Variants in ARID5B observed in about 807,000 individuals in gnomAD.
ARID5B encodes the protein AT-rich interactive domain-containing protein 5B.
In ARID5B, 13 loss-of-function variants were observed where a neutral mutation model predicts 97.2. The ratio of observed to expected loss-of-function variants is 0.13; its 90% confidence interval spans 0.09 to 0.21. ARID5B has a LOEUF of 0.21. Among genes scored for constraint, ARID5B ranks in the 10% least tolerant of loss-of-function variants. The probability of loss-of-function intolerance (pLI) is 1.00; values close to 1 mark genes in which losing one functional copy is unlikely to be tolerated. For synonymous variants in ARID5B, 556 were observed against 570.3 expected (o/e 0.97, Z 0.36); for missense variants, 1,210 against 1,465.3 (o/e 0.83, Z 2.84).
intron 3 of ARID5B, among the ~76,000 whole-genome samples, chr10:61,944,062 T>A (rs536976705): frequency 6.6e-6 from 1 of 152,224 alleles, no homozygotes; most frequent in South Asian, 2.1e-4. Flanking sequence ...AGTGCATTCA[T>A]TCTCTTCCCT....
At chr10:62,023,081 A>G (rs1181078423) in intron 4 of ARID5B, among the ~76,000 whole-genome samples, 3 of 152,164 alleles carry the variant, frequency 2.0e-5, no homozygotes, top group Non-Finnish European at 4.4e-5. Context: ...CCCCTTTCCC[A>G]ATACCTAGTG....
chr10:61,973,423 T>A (rs1838657782), intron 3 of ARID5B, among the ~76,000 whole-genome samples: 1 of 152,230 alleles, frequency 6.6e-6, no homozygotes, highest in Non-Finnish European at 1.5e-5. Flanking sequence ...GAGTTCATTA[T>A]GAAATCACTC....
At chr10:62,028,570 C>A (rs1453018687) in intron 4 of ARID5B, among the ~76,000 whole-genome samples, 1 of 152,140 alleles carries the variant, frequency 6.6e-6, no homozygotes, top group Non-Finnish European at 1.5e-5. Flanking sequence ...CCTCTCTCAG[C>A]CTCAGTTTCC....
chr10:61,970,024 T>G (rs1424632704), intron 3 of ARID5B, among the ~76,000 whole-genome samples: 1 of 152,200 alleles, frequency 6.6e-6, no homozygotes, highest in Admixed American at 6.5e-5. Flanking sequence ...GAAAAATAGT[T>G]AGCCAATCCA....
intron 3 of ARID5B, among the ~76,000 whole-genome samples, chr10:61,963,700 G>A (rs1838505388): frequency 1.3e-5 from 2 of 152,062 alleles, no homozygotes; most frequent in African/African-American, 4.8e-5. Context: ...GTGGGAGGTT[G>A]AGAACTGCTT....
chr10:61,964,911 G>A (rs1278904416), intron 3 of ARID5B, among the ~76,000 whole-genome samples: 3 of 152,184 alleles, frequency 2.0e-5, no homozygotes, highest in Admixed American at 6.5e-5. Context: ...CACATGTGAA[G>A]CCAGTTAGAA....
intron 4 of ARID5B, among the ~76,000 whole-genome samples, chr10:62,011,921 C>T (rs552052108): frequency 6.6e-6 from 1 of 152,220 alleles, no homozygotes; most frequent in African/African-American, 2.4e-5. Context: ...TGATTATATA[C>T]AGCAAACCCT....
chr10:62,031,780 G>A (rs1839500067), intron 4 of ARID5B, among the ~76,000 whole-genome samples: 1 of 152,184 alleles, frequency 6.6e-6, no homozygotes, highest in Admixed American at 6.5e-5. Flanking sequence ...TCTTCACTGT[G>A]TTGTAGGAAT....
intron 2 of ARID5B, among the ~76,000 whole-genome samples, chr10:61,925,955 C>T (rs1233650590): frequency 6.6e-6 from 1 of 152,062 alleles, no homozygotes; most frequent in African/African-American, 2.4e-5. Flanking sequence ...CAAAATTCAT[C>T]GAGCCACAGG....
intron 4 of ARID5B, among the ~76,000 whole-genome samples, chr10:62,023,000 CAA>C (rs1321977748): frequency 1.3e-5 from 2 of 152,156 alleles, no homozygotes; most frequent in Non-Finnish European, 2.9e-5. Context: ...GGAAACAAGT[CAA>C]AGAAACATAT....
intron 2 of ARID5B, among the ~76,000 whole-genome samples, chr10:61,924,302 A>G (rs2393785): frequency 0.85 from 128,655 of 152,202 alleles, 54,532 homozygotes; most frequent in African/African-American, 0.88. Context: ...GGAGTAGAAA[A>G]AGCACCAACT....
At chr10:62,052,734 A>C (rs989803525) in intron 5 of ARID5B, among the ~76,000 whole-genome samples, 5 of 152,240 alleles carry the variant, frequency 3.3e-5, no homozygotes, top group African/African-American at 1.2e-4. Context: ...CTTAACAAGA[A>C]GGATAGAAGT....
chr10:61,926,746 C>G (rs547592341), intron 2 of ARID5B, among the ~76,000 whole-genome samples: 1 of 151,940 alleles, frequency 6.6e-6, no homozygotes, highest in South Asian at 2.1e-4. Context: ...GTAGCTGGGA[C>G]TACAGGCGTG....
At chr10:62,077,627 C>A (rs1840155818) in intron 8 of ARID5B, among the ~76,000 whole-genome samples, 1 of 152,128 alleles carries the variant, frequency 6.6e-6, no homozygotes, top group African/African-American at 2.4e-5. Flanking sequence ...ATCCTTTGAA[C>A]CTAACTATAG....
At chr10:61,956,159 C>G (rs963366661) in intron 3 of ARID5B, among the ~76,000 whole-genome samples, 8 of 152,184 alleles carry the variant, frequency 5.3e-5, no homozygotes, top group Non-Finnish European at 1.0e-4. Flanking sequence ...GAAACTGGGC[C>G]GCACAGCAGA....
intron 7 of ARID5B, among the ~76,000 whole-genome samples, chr10:62,066,280 C>T (rs1205407209): frequency 1.3e-5 from 2 of 152,134 alleles, no homozygotes; most frequent in Non-Finnish European, 2.9e-5. Context: ...ATTTCTTCCT[C>T]TAGAGTCCAT....
chr10:61,970,013 A>C (rs994189232), intron 3 of ARID5B, among the ~76,000 whole-genome samples: 1 of 152,238 alleles, frequency 6.6e-6, no homozygotes, highest in African/African-American at 2.4e-5. Context: ...ATCCAAATAA[A>C]GAAAAATAGT....
chr10:61,918,742 T>C (rs888086216), intron 2 of ARID5B, among the ~76,000 whole-genome samples: 5 of 152,062 alleles, frequency 3.3e-5, no homozygotes, highest in Admixed American at 1.3e-4. Flanking sequence ...ATGTTAAAGG[T>C]ACATTAGGGG....
chr10:62,024,872 A>G (rs555800170), intron 4 of ARID5B: 2 of 359,162 alleles, frequency 5.6e-6, no homozygotes, highest in Non-Finnish European at 5.0e-6. Flanking sequence ...ATGGCTCTGT[A>G]CCAAAGACAC....
Sources: allele counts gnomAD v4.1 joint callset (sites outside exome capture counted in the v4.1 genomes callset), GRCh38; gene constraint gnomAD v4.1.1; transcripts MANE v1.5; gene names NCBI Gene and HGNC (gene_info 2026-07-23, HGNC 2026-07-21).